Variants in THUMPD2 observed in about 807,000 individuals in gnomAD.
THUMPD2 encodes the protein U6 snRNA (guanine-N(2))-methyltransferase THUMPD2.
THUMPD2 carries 56 observed loss-of-function variants against 49.4 expected under a neutral mutation model. The observed-to-expected ratio is 1.13, with a 90% CI of 0.91 to 1.41. THUMPD2 has a LOEUF of 1.41. Among genes scored for constraint, THUMPD2 ranks in the 40% most tolerant of loss-of-function variants. The probability of loss-of-function intolerance (pLI) is 0.00; values close to 1 mark genes in which losing one functional copy is unlikely to be tolerated. For missense variants in THUMPD2, 709 were observed against 594.5 expected (o/e 1.19, Z -2.00); for synonymous variants, 237 against 205.2 (o/e 1.15, Z -1.32).
intron 9 of THUMPD2, among the ~76,000 whole-genome samples, chr2:39,740,519 G>GA (rs1426262211): frequency 6.6e-6 from 1 of 152,174 alleles, no homozygotes; most frequent in African/African-American, 2.4e-5. Flanking sequence ...GAGAGAAAGT[G>GA]AAAATCACCT....
intron 8 of THUMPD2, among the ~76,000 whole-genome samples, chr2:39,751,715 C>T (rs1284775607): frequency 7.7e-6 from 1 of 129,916 alleles, no homozygotes; most frequent in African/African-American, 3.1e-5. Context: ...GACGGAGTCT[C>T]GCCATGTCAC....
chr2:39,756,544 G>A (rs1044691754), intron 6 of THUMPD2, among the ~76,000 whole-genome samples: 1 of 151,936 alleles, frequency 6.6e-6, no homozygotes, highest in African/African-American at 2.4e-5. Context: ...TGTGAAGGAG[G>A]GATGAGCACA....
chr2:39,757,886 G>A lies in THUMPD2; in HGVS notation c.892-1926C>T, dbSNP rs551877603. ...ACTGCTCTGGGTACCAAGCTCCAAAGAGGGAAATGGATCAGGTTGGATACT... is the reference window on the plus strand; with the variant it reads ...ACTGCTCTGGGTACCAAGCTCCAAAAAGGGAAATGGATCAGGTTGGATACT... On this transcript the variant is annotated intron_variant, in intron 6 of 9. Transcript: ENST00000505747. 7.2e-5 allele frequency among the ~76,000 whole-genome samples: 11 copies of A among 152,192 alleles called. No homozygotes were observed. In the South Asian group the frequency reaches 1.2e-3, roughly 17 times the overall value.
chr2:39,779,199 G>A lies in THUMPD2; in HGVS notation c.41C>T (p.Ala14Val), dbSNP rs937297533. The change falls in exon 1 of 10, where the codon GCT becomes GTT. Residue 14 changes from alanine (A) to valine (V), a missense_variant. Ala to Val is a moderately conservative substitution (Grantham distance 64). Coordinates refer to ENST00000505747, the MANE Select transcript of THUMPD2 (RefSeq NM_025264.5). ...ARGEPGSGPE[A>V]GARFFCTAGR... Reference sequence around the variant, plus strand: ...CGCAGTGCAGAAGAATCGGGCGCCAGCCTCAGGCCCGGACCCTGGCTCTCC... The same window carrying A: ...CGCAGTGCAGAAGAATCGGGCGCCAACCTCAGGCCCGGACCCTGGCTCTCC... The A allele has an allele frequency of 3.3e-6, 5 of 1,517,200 alleles. No homozygotes were observed. Among genetic ancestry groups the A allele is most frequent in the African/African-American group, 2.9e-5 (2 of 69,698 alleles). The allele number at this position is 1,517,200 out of a possible 1,614,324, so 94.0% of individuals were successfully genotyped here. A position where few individuals can be genotyped will look rare whatever the true frequency, so the allele number is the denominator to read the frequency against.
intron 6 of THUMPD2, among the ~76,000 whole-genome samples, chr2:39,757,996 C>CT (rs1311561920): frequency 6.6e-6 from 1 of 152,146 alleles, no homozygotes. Flanking sequence ...AACAGACCTC[C>CT]TTTGCCAGTG....
chr2:39,758,082 AT>A (rs1205997147), intron 6 of THUMPD2, among the ~76,000 whole-genome samples: 1 of 152,198 alleles, frequency 6.6e-6, no homozygotes, highest in African/African-American at 2.4e-5. Context: ...TTTATCAAGC[AT>A]TATCTTTGTA....
At chr2:39,758,129 A>G (rs1336527241) in intron 6 of THUMPD2, among the ~76,000 whole-genome samples, 1 of 152,176 alleles carries the variant, frequency 6.6e-6, no homozygotes, top group Non-Finnish European at 1.5e-5. Context: ...TTTCTGAAAA[A>G]CATGTTTATA....
In THUMPD2 at chr2:39,779,209, C is replaced by G. The variant is rs763692469; in HGVS notation, c.31G>C (p.Gly11Arg). Residue 11 changes from glycine to arginine, a missense_variant, in exon 1 of 10, where the codon GGG (glycine) becomes CGG (arginine). Transcript: ENST00000505747. MSEARGEPGSGPEAGARFFCT... is the reference protein window; with the variant it reads MSEARGEPGSRPEAGARFFCT... ...AAGAATCGGGCGCCAGCCTCAGGCC[C>G]GGACCCTGGCTCTCCACGCGCCTCC... 7.8e-5 allele frequency: 118 copies of G among 1,506,574 alleles called. No homozygotes were observed. The highest frequency in any genetic ancestry group is 1.4e-4 in the African/African-American group (10 of 69,010). 93.3% of individuals were successfully genotyped at this position (1,506,574 alleles called of 1,614,324 possible). A position where few individuals can be genotyped will look rare whatever the true frequency, so the allele number is the denominator to read the frequency against.
At chr2:39,739,773 G>C (rs371700662) in intron 9 of THUMPD2, among the ~76,000 whole-genome samples, 2 of 152,322 alleles carry the variant, frequency 1.3e-5, no homozygotes, top group East Asian at 1.9e-4. Context: ...AAGGAACTGA[G>C]AGGATAAACC....
Position 39,755,334 on chromosome 2 carries a change from G to T in THUMPD2, c.1039C>A (p.Leu347Ile). 6.5e-7 allele frequency: 1 copy of T among 1,545,970 alleles called. No individual in the cohort carries two copies. Among genetic ancestry groups the T allele is most frequent in the African/African-American group, 1.4e-5 (1 of 69,312 alleles). ...GTWDNLKAAG[L>I]EDKIELLKIS... ...TTAAGTAATTCAATTTTATCCTCAA[G>T]GCCTGCAGCTTTCAGATTGTCCCAA... is the stretch of plus-strand genomic sequence containing the variant. The change falls in exon 8 of 10, where the codon CTT (leucine) becomes ATT (isoleucine). Residue 347 changes from leucine (L) to isoleucine (I), a missense_variant. Physicochemically the swap from Leu to Ile is conservative, Grantham distance 5. Coordinates refer to ENST00000505747, the MANE Select transcript of THUMPD2 (RefSeq NM_025264.5).
intron 5 of THUMPD2, among the ~76,000 whole-genome samples, chr2:39,763,363 T>C (rs1677079551): frequency 1.3e-5 from 2 of 152,160 alleles, no homozygotes; most frequent in Admixed American, 6.5e-5. Flanking sequence ...CATATATTGA[T>C]ACATTTCTTC....
At position 39,768,398 on chromosome 2, in the gene THUMPD2, T is replaced by C. The variant is rs185405016; in HGVS notation, c.750+26A>G. 2,699 of 1,556,654 alleles carry C rather than the reference T, an allele frequency of 1.7e-3. 3 individuals are homozygous for C. Among genetic ancestry groups the C allele is most frequent in the Non-Finnish European group, 2.1e-3 (2,359 of 1,132,420 alleles). On this transcript the variant is annotated intron_variant, in intron 4 of 9. Coordinates refer to ENST00000505747, the MANE Select transcript of THUMPD2 (RefSeq NM_025264.5). ...TCTTTAAAGAATTAGGTTACAAGTATATAAAATAAAACAAATACTCATTAC... is the reference window on the plus strand; with the variant it reads ...TCTTTAAAGAATTAGGTTACAAGTACATAAAATAAAACAAATACTCATTAC...
chr2:39,773,987 C>A (rs1428242400), intron 1 of THUMPD2, among the ~76,000 whole-genome samples: 1 of 152,244 alleles, frequency 6.6e-6, no homozygotes, highest in Non-Finnish European at 1.5e-5. Context: ...GCCAGGGCTA[C>A]TGTCTGGGTG....
At chr2:39,745,538 A>G (rs114668450) in intron 8 of THUMPD2, among the ~76,000 whole-genome samples, 234 of 152,356 alleles carry the variant, frequency 1.5e-3, no homozygotes, top group Middle Eastern at 0.014. Context: ...TAAATAGACA[A>G]CGAAGGCAAC....
intron 3 of THUMPD2, 26 bp downstream of exon 3, chr2:39,769,684 G>A: frequency 6.8e-7 from 1 of 1,478,848 alleles, no homozygotes; most frequent in Non-Finnish European, 8.9e-7. Flanking sequence ...CTGGGCGACA[G>A]ACTCCACTTT....
At chr2:39,746,407 T>G (rs1265087139) in intron 8 of THUMPD2, among the ~76,000 whole-genome samples, 2 of 152,190 alleles carry the variant, frequency 1.3e-5, no homozygotes, top group Non-Finnish European at 2.9e-5. Flanking sequence ...TAAAACAGAT[T>G]GTTGTCCCCA....
At chr2:39,748,641 T>A (rs369332291) in intron 8 of THUMPD2, among the ~76,000 whole-genome samples, 46 of 151,712 alleles carry the variant, frequency 3.0e-4, no homozygotes, top group African/African-American at 1.1e-3. Context: ...TGAGCCGAAA[T>A]TGCGCCACTG....
chr2:39,768,728 T>A, intron 3 of THUMPD2: 1 of 682,456 alleles, frequency 1.5e-6, no homozygotes, highest in African/African-American at 1.8e-5. Context: ...TAATGTCTAC[T>A]CATGCATAAT....
intron 7 of THUMPD2, 23 bp downstream of exon 7, chr2:39,755,866 C>T (rs1366634921): frequency 6.2e-7 from 1 of 1,610,672 alleles, no homozygotes; most frequent in Non-Finnish European, 8.5e-7. Context: ...AAATTGCTTG[C>T]TTTACCAAAC....
Sources: allele counts gnomAD v4.1 joint callset (sites outside exome capture counted in the v4.1 genomes callset), GRCh38; gene constraint gnomAD v4.1.1; transcripts MANE v1.5; gene names NCBI Gene and HGNC (gene_info 2026-07-23, HGNC 2026-07-21).